USP34: variants seen among roughly 807,000 people sequenced by gnomAD.
USP34 encodes the protein ubiquitin specific peptidase 34.
USP34 carries 70 observed loss-of-function variants against 460.3 expected under a neutral mutation model. The ratio of observed to expected loss-of-function variants is 0.15; its 90% CI spans 0.13 to 0.19. USP34 has a LOEUF of 0.19. Among genes scored for constraint, USP34 ranks in the 10% least tolerant of loss-of-function variants. USP34 has a pLI of 1.00. For synonymous variants in USP34, 1,647 were observed against 1,405.3 expected, an observed-to-expected ratio of 1.17 and a Z score of -3.85; for missense variants, 3,985 against 4,236.2, an observed-to-expected ratio of 0.94 and a Z score of 1.65.
intron 10 of USP34, among the ~76,000 whole-genome samples, chr2:61,367,522 T>C (rs1373687747): frequency 6.6e-6 from 1 of 151,954 alleles, no homozygotes; most frequent in East Asian, 1.9e-4. Context: ...TCAAAGAAAA[T>C]ACATTGAAAA....
chr2:61,206,815 A>C lies in USP34; in HGVS notation c.8991T>G (p.Leu2997=), dbSNP rs1186223466. The change falls in exon 71 of 80, where the codon CTT becomes CTG. Residue 2997 remains leucine (L), a synonymous_variant. Transcript: ENST00000398571. The stretch of plus-strand genomic sequence containing the variant: ...TCAAAACCGAAAGAAATATTGACAG[A>C]AGTTCTACTAAATCTCCAGTCACAT... ...ACHVTGDLVE[L]LSIFLSVLKS... is the part of the protein sequence containing the mutation. The C allele has an allele frequency of 2.5e-6, 4 of 1,613,806 alleles. No individual in the cohort carries two copies. The highest frequency in any genetic ancestry group is 3.4e-6 in the Non-Finnish European group (4 of 1,179,800).
intron 1 of USP34, among the ~76,000 whole-genome samples, chr2:61,469,237 A>G (rs1695873973): frequency 6.6e-6 from 1 of 152,150 alleles, no homozygotes; most frequent in Admixed American, 6.6e-5. Context: ...TAAAATCACC[A>G]ACAAAATTAA....
intron 70 of USP34, chr2:61,207,490 T>C (rs1272829208): frequency 6.6e-6 from 1 of 152,398 alleles, no homozygotes; most frequent in Non-Finnish European, 1.5e-5. Flanking sequence ...ATACCCACAG[T>C]TCAAATGTTA....
intron 18 of USP34, among the ~76,000 whole-genome samples, chr2:61,336,829 A>T (rs1691433822): frequency 1.3e-5 from 2 of 151,568 alleles, no homozygotes; most frequent in East Asian, 3.9e-4. Flanking sequence ...AAAAAAAAAA[A>T]AAAGCAAAAC....
At chr2:61,322,056 C>G (rs904611251) in intron 21 of USP34, among the ~76,000 whole-genome samples, 16 of 152,030 alleles carry the variant, frequency 1.1e-4, no homozygotes, top group Non-Finnish European at 2.2e-4. Flanking sequence ...TGAAGAAACC[C>G]CATCTCTACT....
intron 41 of USP34, among the ~76,000 whole-genome samples, chr2:61,272,297 G>A (rs1342271301): frequency 6.6e-6 from 1 of 151,678 alleles, no homozygotes; most frequent in Non-Finnish European, 1.5e-5. Flanking sequence ...TGTAGTCCCA[G>A]CTACTTGGGA....
intron 1 of USP34, among the ~76,000 whole-genome samples, chr2:61,426,506 A>T (rs1396058576): frequency 6.6e-6 from 1 of 152,018 alleles, no homozygotes; most frequent in Non-Finnish European, 1.5e-5. Flanking sequence ...GTGAGGTGGA[A>T]ATGGGAAAAA....
At chr2:61,431,303 GC>G (rs138430539) in intron 1 of USP34, among the ~76,000 whole-genome samples, 4,302 of 152,190 alleles carry the variant, frequency 0.028, 206 homozygotes, top group African/African-American at 0.099. Flanking sequence ...GCTTACTGCA[GC>G]CTGGACCTCC....
chr2:61,311,609 T>C lies in USP34; in HGVS notation c.3748A>G (p.Lys1250Glu), dbSNP rs1253880057. 6.2e-7 allele frequency: 1 copy of C among 1,613,758 alleles called. No individual in the cohort carries two copies. Among genetic ancestry groups the C allele is most frequent in the Non-Finnish European group, 8.5e-7 (1 of 1,179,866 alleles). ...EVTHWYENLQ[K>E]EQINQQAQLQ... ...TGAGCTTGTTGATTTATTTGTTCTT[T>C]CTGTAAATTTTCATACCAATGAGTT... Residue 1250 changes from lysine (K) to glutamate (E), a missense_variant, in exon 27 of 80, where the codon AAA (lysine) becomes GAA (glutamate). By Grantham distance (56) the Lys-to-Glu change is moderately conservative. Coordinates refer to ENST00000398571, the MANE Select transcript of USP34 (RefSeq NM_014709.4).
intron 49 of USP34, among the ~76,000 whole-genome samples, chr2:61,248,036 A>G (rs1688466510): frequency 6.6e-6 from 1 of 152,074 alleles, no homozygotes; most frequent in Non-Finnish European, 1.5e-5. Context: ...AAAATACAAA[A>G]ATTAGCTGGG....
chr2:61,272,235 C>A (rs913296989), intron 41 of USP34, among the ~76,000 whole-genome samples: 14 of 151,830 alleles, frequency 9.2e-5, no homozygotes, highest in Middle Eastern at 3.2e-3. Context: ...CATGGTGAAA[C>A]CCTGTCTCTA....
At chr2:61,310,240 T>C (rs1690544925) in intron 27 of USP34, among the ~76,000 whole-genome samples, 1 of 152,136 alleles carries the variant, frequency 6.6e-6, no homozygotes, top group South Asian at 2.1e-4. Flanking sequence ...GATCCAGAAA[T>C]TCCATAATGA....
At chr2:61,198,432 A>T (rs1264169823) in intron 75 of USP34, among the ~76,000 whole-genome samples, 1 of 152,220 alleles carries the variant, frequency 6.6e-6, no homozygotes, top group Non-Finnish European at 1.5e-5. Context: ...GTGAAAATAA[A>T]TATCCTCTGT....
chr2:61,390,294 G>C (rs1199340006), intron 5 of USP34, among the ~76,000 whole-genome samples: 1 of 152,162 alleles, frequency 6.6e-6, no homozygotes, highest in Non-Finnish European at 1.5e-5. Context: ...AAAGAGCTGA[G>C]GGCTGAGGAA....
At chr2:61,425,000 A>G (rs1263215470) in intron 1 of USP34, among the ~76,000 whole-genome samples, 1 of 152,078 alleles carries the variant, frequency 6.6e-6, no homozygotes, top group Non-Finnish European at 1.5e-5. Context: ...TTGTATTTTT[A>G]GTAGAGACAG....
At chr2:61,450,968 C>T (rs948905003) in intron 1 of USP34, among the ~76,000 whole-genome samples, 6 of 151,258 alleles carry the variant, frequency 4.0e-5, no homozygotes, top group Non-Finnish European at 7.4e-5. Flanking sequence ...ACCTGTAATC[C>T]CAGCACTTTG....
At position 61,215,650 on chromosome 2, in the gene USP34, A is replaced by G. The variant is rs142777771; in HGVS notation, c.8048-956T>C. Among the ~76,000 whole-genome samples the G allele has an allele frequency of 4.8e-4, 73 of 152,348 alleles. No homozygotes were observed. In the East Asian group the frequency reaches 0.013, roughly 27 times the overall value. The stretch of plus-strand genomic sequence containing the variant: ...TGGAAAATCTGAATCTTGGAGAAGC[A>G]AAGACCAAGGTCACACAGATAAAGA... On this transcript the variant is annotated intron_variant, in intron 67 of 79. Coordinates refer to ENST00000398571, the MANE Select transcript of USP34 (RefSeq NM_014709.4).
intron 56 of USP34, 32 bp downstream of exon 56, chr2:61,235,994 T>A (rs1468162784): frequency 1.3e-6 from 2 of 1,598,324 alleles, no homozygotes; most frequent in Admixed American, 1.8e-5. Flanking sequence ...AAAACATAAA[T>A]GACAAAAAAA....
intron 10 of USP34, among the ~76,000 whole-genome samples, chr2:61,366,310 T>A (rs1692439688): frequency 6.6e-6 from 1 of 152,206 alleles, no homozygotes; most frequent in African/African-American, 2.4e-5. Flanking sequence ...GTAGGTGAGA[T>A]GATCTTCCCA....
Sources: gnomAD v4.1 joint callset for allele counts (sites outside exome capture counted in the v4.1 genomes callset) on GRCh38, gnomAD v4.1.1 for gene constraint, MANE v1.5 for transcripts, NCBI Gene and HGNC (gene_info 2026-07-23, HGNC 2026-07-21) for gene names.